MSLN: variants seen among roughly 807,000 people sequenced by gnomAD.
The protein encoded by MSLN is CAK1 antigen.
A neutral mutation model predicts 72.6 loss-of-function variants in MSLN; 82 were observed. That is an observed-to-expected ratio of 1.13 (90% CI 0.94 to 1.36). The LOEUF (loss-of-function observed/expected upper bound fraction) is 1.36. Ranked by LOEUF, MSLN falls within the 40% of genes most tolerant of loss-of-function variation. The probability of loss-of-function intolerance (pLI) is 0.00; values close to 1 mark genes in which losing one functional copy is unlikely to be tolerated. For synonymous variants in MSLN, 456 were observed against 387.3 expected (o/e 1.18, Z -2.08); for missense variants, 1,005 against 847.9 (o/e 1.19, Z -2.30).
intron 5 of MSLN, 27 bp from the exon 6 acceptor site, chr16:763,996 G>C (rs1399878520): frequency 4.4e-6 from 7 of 1,593,858 alleles, no homozygotes; most frequent in Middle Eastern, 2.1e-4. Flanking sequence ...GGGCGATCGT[G>C]GGTGCCCAGC....
chr16:766,775 C>T lies in MSLN; in HGVS notation c.1338C>T (p.Pro446=), dbSNP rs201168564. 134 of 1,612,596 alleles carry T rather than the reference C, an allele frequency of 8.3e-5. No homozygotes were observed. The highest frequency in any genetic ancestry group is 5.5e-4 in the Admixed American group (33 of 60,022). The part of the protein sequence containing the change: ...FYPGYLCSLS[P]EELSSVPPSS... ...CTGGGTACCTGTGCTCCCTCAGCCC[C>T]GAGGAGCTGAGCTCCGTGCCCCCCA... The change falls in exon 14 of 18, where the codon CCC becomes CCT. Residue 446 remains proline, a synonymous_variant. Transcript: ENST00000545450.
At chr16:764,781 C>A in intron 7 of MSLN, 55 bp downstream of exon 7, 1 of 1,581,118 alleles carries the variant, frequency 6.3e-7, no homozygotes, top group Non-Finnish European at 8.6e-7. Context: ...GCCCTCAGCC[C>A]CCAACCCCCT....
rs142434090 is a variant in MSLN at position 765,007 on chromosome 16, C to A, written c.481C>A (p.Arg161=). 43 of 1,611,434 alleles carry A rather than the reference C, an allele frequency of 2.7e-5. No homozygotes were observed. Among genetic ancestry groups the A allele is most frequent in the African/African-American group, 4.0e-5 (3 of 74,940 alleles). ...LLPRGAPERQ[R]LLPAALACWG... is the part of the protein sequence containing the mutation. Reference sequence around the variant, plus strand: ...CCCGAGGGGGGCTCCCGAGCGACAGCGGCTGCTGCCTGCGGCTCTGGCCTG... The same window carrying A: ...CCCGAGGGGGGCTCCCGAGCGACAGAGGCTGCTGCCTGCGGCTCTGGCCTG... Residue 161 remains arginine (R), a synonymous_variant, in exon 8 of 18, where the codon CGG becomes AGG. Coordinates refer to ENST00000545450, the MANE Select transcript of MSLN (RefSeq NM_005823.6).
Position 765,625 on chromosome 16 carries a change from C to G in MSLN, c.795+8C>G, listed in dbSNP as rs752226864. On this transcript the variant is annotated splice_region_variant and intron_variant, in intron 10 of 17. Transcript: ENST00000545450. ...ATCCGCAGCATCCCGCAGGTGAGAC[C>G]CCAATCCCCAGCCCGTGGGGATGCC... 5.6e-6 allele frequency: 9 copies of G among 1,601,636 alleles called. No individual in the cohort carries two copies. The South Asian group carries it at 9.9e-5, about 18-fold the overall frequency.
chr16:761,505 C>CT (rs1229371094), intron 2 of MSLN, among the ~76,000 whole-genome samples: 1 of 152,212 alleles, frequency 6.6e-6, no homozygotes, highest in Non-Finnish European at 1.5e-5. Context: ...TGCTGAGGTC[C>CT]TTGGGTCACA....
rs149124925 is a variant in MSLN, at chr16:768,649, G to C, written c.1785G>C (p.Glu595Asp). The C allele has an allele frequency of 6.3e-5, 102 of 1,611,154 alleles. No homozygotes were observed. In the African/African-American group the frequency reaches 1.3e-3, roughly 20 times the overall value. The part of the protein sequence containing the change: ...GYLVLDLSMQ[E>D]ALSGTPCLLG... Reference sequence around the variant, plus strand: ...TCTGAGTCACCCCTCTCTCTGTAGAGGCCCTCTCGGGGACGCCCTGCCTCC... The same window carrying C: ...TCTGAGTCACCCCTCTCTCTGTAGACGCCCTCTCGGGGACGCCCTGCCTCC... The change falls in exon 18 of 18, where the codon GAG (glutamate) becomes GAC (aspartate). Residue 595 changes from glutamate to aspartate, a missense_variant and splice_region_variant. Coordinates refer to ENST00000545450, the MANE Select transcript of MSLN (RefSeq NM_005823.6).
Position 764,068 on chromosome 16 carries a change from C to T in MSLN, c.225C>T (p.Ser75=), listed in dbSNP as rs573712031. The T allele has an allele frequency of 1.4e-5, 23 of 1,605,760 alleles. No homozygotes were observed. The highest frequency in any genetic ancestry group is 5.5e-5 in the South Asian group (5 of 91,060). ...QLLGFPCAEV[S]GLSTERVREL... ...TTGGCTTCCCGTGTGCGGAGGTGTCCGGCCTGAGCACGGAGCGTGTCCGGG... is the reference window on the plus strand; with the variant it reads ...TTGGCTTCCCGTGTGCGGAGGTGTCTGGCCTGAGCACGGAGCGTGTCCGGG... The change falls in exon 6 of 18, where the codon TCC becomes TCT. Residue 75 remains serine, a synonymous_variant. Transcript: ENST00000545450.
intron 4 of MSLN, 60 bp from the exon 5 acceptor site, chr16:763,582 T>TG (rs2041563301): frequency 1.3e-6 from 2 of 1,512,738 alleles, no homozygotes; most frequent in Non-Finnish European, 1.8e-6. Flanking sequence ...TAGCGGGACC[T>TG]GGGAACTCCT....
rs201652576 is a variant in MSLN at position 767,413 on chromosome 16, G to A, written c.1539G>A (p.Gln513=). ...CGGAGGATTTGAAGGCGCTCAGTCA[G>A]CAGAATGTGAGCATGGACTTGGCCA... The part of the protein sequence containing the change: ...APTEDLKALS[Q]QNVSMDLATF... The change falls in exon 16 of 18, where the codon CAG becomes CAA. Residue 513 remains glutamine, a synonymous_variant. Coordinates refer to ENST00000545450, the MANE Select transcript of MSLN (RefSeq NM_005823.6). The A allele has an allele frequency of 4.3e-6, 7 of 1,609,210 alleles. No individual in the cohort carries two copies. The highest frequency in any genetic ancestry group is 4.5e-5 in the East Asian group (2 of 44,620).
chr16:766,013 G>A (rs377270439), intron 11 of MSLN, 46 bp from the exon 12 acceptor site: 4 of 1,541,374 alleles, frequency 2.6e-6, no homozygotes, highest in South Asian at 1.2e-5. Flanking sequence ...AGGAAGAAGG[G>A]GTCAAACGAA....
chr16:764,176 C>A, intron 6 of MSLN, 33 bp downstream of exon 6: 1 of 1,589,284 alleles, frequency 6.3e-7, no homozygotes. Context: ...CAGGTGGGCA[C>A]AGCTGGGGCT....
rs75279195 is a variant in MSLN, at chr16:765,549, T to C, written c.727T>C (p.Ser243Pro). ...PYGPPSTWSV[S>P]TMDALRGLLP... ...CAGCCCCCCGTCGACATGGTCTGTCTCCACGATGGACGCTCTGCGGGGCCT... is the reference window on the plus strand; with the variant it reads ...CAGCCCCCCGTCGACATGGTCTGTCCCCACGATGGACGCTCTGCGGGGCCT... The change falls in exon 10 of 18, where the codon TCC becomes CCC. Residue 243 changes from serine (S) to proline (P), a missense_variant. Transcript: ENST00000545450. 19,001 of 1,606,876 alleles carry C rather than the reference T, an allele frequency of 0.012. 969 individuals are homozygous for C. The South Asian group carries it at 0.12, about 10-fold the overall frequency.
At chr16:763,357 TC>T in intron 4 of MSLN, 81 bp downstream of exon 4, 3 of 1,207,912 alleles carry the variant, frequency 2.5e-6, no homozygotes, top group Non-Finnish European at 3.5e-6. Flanking sequence ...CTGTCACGTA[TC>T]CACGGTGCTT....
chr16:763,665 C>T lies in MSLN; in HGVS notation c.153C>T (p.Val51=). 6.2e-7 allele frequency: 1 copy of T among 1,603,828 alleles called. No homozygotes were observed. The highest frequency in any genetic ancestry group is 8.5e-7 in the Non-Finnish European group (1 of 1,173,798). The change falls in exon 5 of 18, where the codon GTC becomes GTT. Residue 51 remains valine, a synonymous_variant. Coordinates refer to ENST00000545450, the MANE Select transcript of MSLN (RefSeq NM_005823.6). Reference sequence around the variant, plus strand: ...AGGAGGCTGCGCCCCTGGACGGAGTCCTGGCCAACCCACCTAACATTTCCA... The same window carrying T: ...AGGAGGCTGCGCCCCTGGACGGAGTTCTGGCCAACCCACCTAACATTTCCA... ...TGQEAAPLDG[V]LANPPNISSL...
At position 765,300 on chromosome 16, in the gene MSLN, A is replaced by G; in HGVS notation, c.701A>G (p.Tyr234Cys). Residue 234 changes from tyrosine (Y) to cysteine (C), a missense_variant, in exon 9 of 18, where the codon TAC (tyrosine) becomes TGC (cysteine). Tyr to Cys is a radical substitution (Grantham distance 194). Transcript: ENST00000545450. The stretch of plus-strand genomic sequence containing the variant: ...GCTCTGCAGGGCGGGGGACCCCCCT[A>G]CGGGTAAGTGAAGGTGTCTGGAACC... ...RAALQGGGPP[Y>C]GPPSTWSVST... 1 of 1,570,182 alleles carries G rather than the reference A, an allele frequency of 6.4e-7. No homozygotes were observed. The highest frequency in any genetic ancestry group is 8.6e-7 in the Non-Finnish European group (1 of 1,164,076).
chr16:762,541 G>C, intron 2 of MSLN, 131 bp from the exon 3 acceptor site: 1 of 706,838 alleles, frequency 1.4e-6, no homozygotes, highest in Admixed American at 2.2e-5. Context: ...CCAGGGTGCG[G>C]ACACAAGCTG....
In MSLN at chr16:764,894, CCT is replaced by C. The variant is rs2041584164; in HGVS notation, c.381-8_381-7del. ...GATCAGTGCGGCCTGTCCCCAGCACCCTCTCTTCACAGCCCAGATGCGTTCTC... is the reference window on the plus strand; with the variant it reads ...GATCAGTGCGGCCTGTCCCCAGCACCCTCTTCACAGCCCAGATGCGTTCTC... On this transcript the variant is annotated splice_polypyrimidine_tract_variant and intron_variant, in intron 7 of 17. Coordinates refer to ENST00000545450, the MANE Select transcript of MSLN (RefSeq NM_005823.6). 6 of 1,610,226 alleles carry C rather than the reference CCT, an allele frequency of 3.7e-6. No individual in the cohort carries two copies. The highest frequency in any genetic ancestry group is 5.1e-6 in the Non-Finnish European group (6 of 1,178,856).
At position 766,683 on chromosome 16, in the gene MSLN, G is replaced by T; in HGVS notation, c.1246G>T (p.Asp416Tyr). ...CCTCCCACAGGTGGCCACCCTGATC[G>T]ACCGCTTTGTGAAGGGAAGGGGCCA... is the stretch of plus-strand genomic sequence containing the variant. ...EMSPQVATLI[D>Y]RFVKGRGQLD... The change falls in exon 14 of 18, where the codon GAC becomes TAC. Residue 416 changes from aspartate to tyrosine, a missense_variant. Coordinates refer to ENST00000545450, the MANE Select transcript of MSLN (RefSeq NM_005823.6). 6.2e-7 allele frequency: 1 copy of T among 1,612,432 alleles called. No homozygotes were observed. Among genetic ancestry groups the T allele is most frequent in the South Asian group, 1.1e-5 (1 of 91,056 alleles).
chr16:765,202 C>G lies in MSLN; in HGVS notation c.603C>G (p.Ala201=). The change falls in exon 9 of 18, where the codon GCC becomes GCG. Residue 201 remains alanine, a synonymous_variant. Transcript: ENST00000545450. ...CTGGGCGCTTTGTGGCCGAGTCGGC[C>G]GAAGTGCTGCTACCCCGGCTGGTGA... ...DLPGRFVAES[A]EVLLPRLVSC... 1 of 1,591,672 alleles carries G rather than the reference C, an allele frequency of 6.3e-7. No individual in the cohort carries two copies. Among genetic ancestry groups the G allele is most frequent in the South Asian group, 1.1e-5 (1 of 89,368 alleles).
Sources: allele counts gnomAD v4.1 joint callset (sites outside exome capture counted in the v4.1 genomes callset), GRCh38; gene constraint gnomAD v4.1.1; transcripts MANE v1.5; gene names NCBI Gene and HGNC (gene_info 2026-07-23, HGNC 2026-07-21).